Variants in C2CD2 observed in about 807,000 individuals in gnomAD.
C2CD2 encodes the protein C2 domain-containing protein 2.
Under a neutral mutation model 74.3 loss-of-function variants are expected in C2CD2, and 43 were observed. The observed-to-expected ratio is 0.58, with a 90% CI of 0.45 to 0.75. The LOEUF (loss-of-function observed/expected upper bound fraction) is 0.75, where lower values mean the gene tolerates loss of function less well. C2CD2 is among the 30% of genes least tolerant of loss of function. The pLI, the probability that C2CD2 is intolerant of heterozygous loss-of-function variation, is 0.00. For missense variants in C2CD2, 801 were observed against 916.3 expected (o/e 0.87, Z 1.63); for synonymous variants, 422 against 390.7 (o/e 1.08, Z -0.94).
chr21:41,910,693 C>T (rs1475968818), intron 7 of C2CD2, among the ~76,000 whole-genome samples: 1 of 137,982 alleles, frequency 7.2e-6, no homozygotes, highest in Non-Finnish European at 1.7e-5. Context: ...AAAAGCTATA[C>T]ACACACACAC....
chr21:41,947,848 A>C (rs2146235521), intron 1 of C2CD2, among the ~76,000 whole-genome samples: 1 of 152,312 alleles, frequency 6.6e-6, no homozygotes, highest in East Asian at 1.9e-4. Context: ...GCACAAAGCA[A>C]ACCCGCAACC....
At chr21:41,914,954 A>C (rs552390950) in intron 5 of C2CD2, among the ~76,000 whole-genome samples, 15 of 152,262 alleles carry the variant, frequency 9.9e-5, no homozygotes, top group South Asian at 2.1e-4. Context: ...TCTACCCCAA[A>C]TACAGCAAGT....
rs1388185168 is a variant in C2CD2 at position 41,895,119 on chromosome 21, C to G, written c.1870+3934G>C. The G allele has an allele frequency of 2.7e-6, 1 of 367,210 alleles. No individual in the cohort carries two copies. Among genetic ancestry groups the G allele is most frequent in the African/African-American group, 2.1e-5 (1 of 47,298 alleles). The allele number at this position is 367,210 out of a possible 1,614,324, so 22.7% of individuals were successfully genotyped here. On this transcript the variant is annotated intron_variant, in intron 13 of 13. Transcript: ENST00000380486. This position sits in a 1 kb window ranked among gnomAD's most constrained non-coding sequence, Gnocchi z 5.0. Reference sequence around the variant, plus strand: ...CCTGGAGAATGTGGGTAGGCCTCATCCAATCAGCTGAAGGCCCTAAGAGCA... The same window carrying G: ...CCTGGAGAATGTGGGTAGGCCTCATGCAATCAGCTGAAGGCCCTAAGAGCA...
At chr21:41,914,522 G>C in intron 6 of C2CD2, 76 bp downstream of exon 6, 1 of 1,366,072 alleles carries the variant, frequency 7.3e-7, no homozygotes. Flanking sequence ...GAGAATCCAA[G>C]GCCCCCCGGA....
chr21:41,888,928 T>A lies in C2CD2; in HGVS notation c.*196A>T. 1.7e-6 allele frequency: 1 copy of A among 598,968 alleles called. No individual in the cohort carries two copies. 37.1% of individuals were successfully genotyped at this position (598,968 alleles called of 1,614,324 possible). A position where few individuals can be genotyped will look rare whatever the true frequency, so the allele number is the denominator to read the frequency against. ...TTTAGCATCTGGTGGCAAGTTGGGCTTTTTTGTCCTCTCTGGGAGAAGCCT... is the reference window on the plus strand; with the variant it reads ...TTTAGCATCTGGTGGCAAGTTGGGCATTTTTGTCCTCTCTGGGAGAAGCCT... On this transcript the variant is annotated 3_prime_UTR_variant, in exon 14 of 14. Coordinates refer to ENST00000380486, the MANE Select transcript of C2CD2 (RefSeq NM_015500.2).
In C2CD2 at chr21:41,914,665, C is replaced by T. The variant is rs1054271367; in HGVS notation, c.777G>A (p.Arg259=). 6.2e-7 allele frequency: 1 copy of T among 1,613,722 alleles called. No homozygotes were observed. ...AQESCPPKPP[R]AHELKLLVRN... is the part of the protein sequence containing the mutation. Reference sequence around the variant, plus strand: ...TCACCAGTAGCTTCAGCTCGTGAGCCCTTGGAGGTTTAGGAGGACAGGATT... The same window carrying T: ...TCACCAGTAGCTTCAGCTCGTGAGCTCTTGGAGGTTTAGGAGGACAGGATT... Residue 259 remains arginine (R), a synonymous_variant, in exon 6 of 14, where the codon AGG becomes AGA. Transcript: ENST00000380486.
intron 3 of C2CD2, among the ~76,000 whole-genome samples, chr21:41,920,339 C>T (rs1247727685): frequency 2.0e-5 from 3 of 152,140 alleles, no homozygotes; most frequent in Non-Finnish European, 4.4e-5. Flanking sequence ...CTAGATGCTC[C>T]GTCCAAAGCA....
At chr21:41,909,587 G>A in intron 7 of C2CD2, 64 bp from the exon 8 acceptor site, 1 of 1,100,454 alleles carries the variant, frequency 9.1e-7, no homozygotes, top group Non-Finnish European at 1.4e-6. Flanking sequence ...TTATGAAATA[G>A]AGTGTTTTTT....
chr21:41,914,507 C>T (rs2065065266), intron 6 of C2CD2, 91 bp downstream of exon 6: 2 of 1,156,192 alleles, frequency 1.7e-6, no homozygotes, highest in Admixed American at 2.5e-5. Context: ...GGGAGGATGC[C>T]ACCAGAGAAT....
At position 41,898,634 on chromosome 21, in the gene C2CD2, G is replaced by A. The variant is rs185396683; in HGVS notation, c.1870+419C>T. 9.2e-5 allele frequency among the ~76,000 whole-genome samples: 14 copies of A among 152,300 alleles called. No homozygotes were observed. In the East Asian group the frequency reaches 2.7e-3, roughly 29 times the overall value. On this transcript the variant is annotated intron_variant, in intron 13 of 13. Coordinates refer to ENST00000380486, the MANE Select transcript of C2CD2 (RefSeq NM_015500.2). ...GGTGAGGTCTGGTTTTGTTTCAGGT[G>A]CAGGGAGACTCTTGACAGGCACAAA...
chr21:41,890,364 G>A (rs569291635), intron 13 of C2CD2, among the ~76,000 whole-genome samples: 15 of 152,184 alleles, frequency 9.9e-5, no homozygotes, highest in Admixed American at 3.3e-4. Flanking sequence ...AGTAGAATAC[G>A]GAATAGAAAA....
chr21:41,945,685 G>C lies in C2CD2; in HGVS notation c.280-3440C>G, dbSNP rs761538916. Among the ~76,000 whole-genome samples, 6 of 152,156 alleles carry C rather than the reference G, an allele frequency of 3.9e-5. No individual in the cohort carries two copies. Among genetic ancestry groups the C allele is most frequent in the Admixed American group, 2.0e-4 (3 of 15,278 alleles). ...GAGGGAGGGAGGTAACTGGATCATG[G>C]GGCAGTCTCTCCCATACTGTTCTCA... On this transcript the variant is annotated intron_variant, in intron 1 of 13. Coordinates refer to ENST00000380486, the MANE Select transcript of C2CD2 (RefSeq NM_015500.2). The surrounding 1 kb of genome is among the most constrained non-coding windows in gnomAD (Gnocchi z 4.2).
chr21:41,933,064 G>A (rs1256123760), intron 2 of C2CD2, among the ~76,000 whole-genome samples: 4 of 150,254 alleles, frequency 2.7e-5, no homozygotes, highest in Non-Finnish European at 6.0e-5. Flanking sequence ...CAGACAGGCT[G>A]GGTTCCGGCG....
intron 13 of C2CD2, among the ~76,000 whole-genome samples, chr21:41,893,893 G>T (rs2064789405): frequency 6.6e-6 from 1 of 152,008 alleles, no homozygotes; most frequent in Non-Finnish European, 1.5e-5. Context: ...TAGAGACAGG[G>T]TTTCACCATA....
intron 6 of C2CD2, among the ~76,000 whole-genome samples, chr21:41,913,612 A>C (rs2065053585): frequency 6.6e-6 from 1 of 152,154 alleles, no homozygotes; most frequent in Non-Finnish European, 1.5e-5. Context: ...AAACATCCTC[A>C]ACAGCTAGCT....
intron 1 of C2CD2, among the ~76,000 whole-genome samples, chr21:41,944,083 G>T (rs1439307433): frequency 6.6e-6 from 1 of 152,232 alleles, no homozygotes; most frequent in Non-Finnish European, 1.5e-5. Flanking sequence ...ATGCAGCGGA[G>T]AAACAATGTA....
intron 6 of C2CD2, among the ~76,000 whole-genome samples, chr21:41,913,958 T>A (rs9983549): frequency 0.25 from 37,262 of 152,084 alleles, 4,958 homozygotes; most frequent in Middle Eastern, 0.34. Flanking sequence ...TCACCCACTT[T>A]CTAAGAAAGC....
chr21:41,937,431 C>T (rs2146220767), intron 2 of C2CD2, among the ~76,000 whole-genome samples: 1 of 152,318 alleles, frequency 6.6e-6, no homozygotes, highest in Middle Eastern at 3.4e-3. Context: ...CTCTGGCTTA[C>T]TTCATTGTAA....
intron 2 of C2CD2, 122 bp from the exon 3 acceptor site, chr21:41,922,207 G>A: frequency 1.6e-6 from 1 of 622,940 alleles, no homozygotes; most frequent in East Asian, 2.8e-5. Context: ...CGCCCAGGCT[G>A]GAGTGCAGTG....
Sources: gnomAD v4.1 joint callset for allele counts (sites outside exome capture counted in the v4.1 genomes callset) on GRCh38, gnomAD v4.1.1 for gene constraint, Gnocchi (gnomAD v3.1) non-coding constraint, MANE v1.5 for transcripts, NCBI Gene and HGNC (gene_info 2026-07-23, HGNC 2026-07-21) for gene names.